The following DEAF1 variants were observed in gnomAD, a reference collection of about 807,000 sequenced individuals.
The protein encoded by DEAF1 is DEAF1 transcription factor.
A neutral mutation model predicts 58.9 loss-of-function variants in DEAF1; 53 were observed. That is an observed-to-expected ratio of 0.90 (90% CI 0.72 to 1.13). The LOEUF (loss-of-function observed/expected upper bound fraction) is 1.13. DEAF1 is among the 50% of genes most tolerant of loss of function. The probability of loss-of-function intolerance (pLI) is 0.00; values close to 1 mark genes in which losing one functional copy is unlikely to be tolerated. For synonymous variants in DEAF1, 385 were observed against 340.4 expected, an observed-to-expected ratio of 1.13 and a Z score of -1.44; for missense variants, 685 against 791.4, an observed-to-expected ratio of 0.87 and a Z score of 1.61.
intron 10 of DEAF1, among the ~76,000 whole-genome samples, chr11:673,346 G>A (rs1157079314): frequency 6.6e-6 from 1 of 151,884 alleles, no homozygotes; most frequent in Non-Finnish European, 1.5e-5. Context: ...GGGCAACATG[G>A]TAAAACCCCG....
At position 694,915 on chromosome 11, in the gene DEAF1, C is replaced by G. The variant is rs1861043590; in HGVS notation, c.133G>C (p.Asp45His). ...TCTGCGTCCTCCTCCGAGTCCTCGT[C>G]CCTGCTCAGCACCGGCTCCTCCGCC... Reference protein sequence around the residue: ...GEAEEPVLSRDEDSEEDADSE... With the variant: ...GEAEEPVLSRHEDSEEDADSE... The change falls in exon 1 of 12, where the codon GAC becomes CAC. Residue 45 changes from aspartate (D) to histidine (H), a missense_variant. Asp to His is a moderately conservative substitution (Grantham distance 81). Coordinates refer to ENST00000382409, the MANE Select transcript of DEAF1 (RefSeq NM_021008.4). 6.8e-7 allele frequency: 1 copy of G among 1,461,242 alleles called. No individual in the cohort carries two copies. The highest frequency in any genetic ancestry group is 9.0e-7 in the Non-Finnish European group (1 of 1,107,384). 90.5% of individuals were successfully genotyped at this position (1,461,242 alleles called of 1,614,324 possible).
intron 9 of DEAF1, among the ~76,000 whole-genome samples, chr11:677,277 G>A (rs1860125812): frequency 6.6e-6 from 1 of 151,848 alleles, no homozygotes; most frequent in Non-Finnish European, 1.5e-5. Flanking sequence ...AAAGCAGGCA[G>A]ATCACAAGGT....
At position 694,824 on chromosome 11, in the gene DEAF1, T is replaced by A; in HGVS notation, c.224A>T (p.His75Leu). The change falls in exon 1 of 12, where the codon CAC (histidine) becomes CTC (leucine). Residue 75 changes from histidine to leucine, a missense_variant. Coordinates refer to ENST00000382409, the MANE Select transcript of DEAF1 (RefSeq NM_021008.4). ...CAGGGCCTCGGCGCCCATGTCCATGTGCCCGGGCTCCGCCGCCATCACCGC... is the reference window on the plus strand; with the variant it reads ...CAGGGCCTCGGCGCCCATGTCCATGAGCCCGGGCTCCGCCGCCATCACCGC... ...AVAVMAAEPG[H>L]MDMGAEALPG... The A allele has an allele frequency of 6.9e-7, 1 of 1,449,398 alleles. No individual in the cohort carries two copies. Among genetic ancestry groups the A allele is most frequent in the Non-Finnish European group, 9.1e-7 (1 of 1,103,840 alleles). 89.8% of individuals were successfully genotyped at this position (1,449,398 alleles called of 1,614,324 possible). A position where few individuals can be genotyped will look rare whatever the true frequency, so the allele number is the denominator to read the frequency against.
At chr11:679,031 G>A (rs2133378234) in intron 8 of DEAF1, among the ~76,000 whole-genome samples, 1 of 152,288 alleles carries the variant, frequency 6.6e-6, no homozygotes, top group Non-Finnish European at 1.5e-5. Flanking sequence ...ATAAAAATCA[G>A]GCCGGGCGCG....
intron 5 of DEAF1, among the ~76,000 whole-genome samples, chr11:686,291 CA>C (rs780059988): frequency 3.1e-3 from 306 of 100,200 alleles, no homozygotes; most frequent in South Asian, 0.021. Flanking sequence ...GACTCTGTCT[CA>C]AAAAAAAAAA....
chr11:687,981 C>G lies in DEAF1; in HGVS notation c.594G>C (p.Val198=), dbSNP rs776237661. The G allele has an allele frequency of 1.9e-6, 3 of 1,614,010 alleles. No individual in the cohort carries two copies. Among genetic ancestry groups the G allele is most frequent in the Non-Finnish European group, 2.5e-6 (3 of 1,180,046 alleles). ...ACCGTACGGGCAGCTCACTGTCGTA[C>G]ACAGAAGGGTCCCAGTTGTATTTAG... The part of the protein sequence containing the change: ...GGTKYNWDPS[V]YDSELPVRCR... The change falls in exon 4 of 12, where the codon GTG becomes GTC. Residue 198 remains valine (V), a synonymous_variant. Coordinates refer to ENST00000382409, the MANE Select transcript of DEAF1 (RefSeq NM_021008.4).
At chr11:663,499 C>T (rs1013795524) in intron 10 of DEAF1, among the ~76,000 whole-genome samples, 2 of 152,208 alleles carry the variant, frequency 1.3e-5, no homozygotes, top group African/African-American at 2.4e-5. Context: ...GCCTTTCCTC[C>T]TCCATCTCCT....
At chr11:692,502 T>C (rs1860877821) in intron 1 of DEAF1, among the ~76,000 whole-genome samples, 2 of 152,214 alleles carry the variant, frequency 1.3e-5, no homozygotes, top group South Asian at 2.1e-4. Flanking sequence ...TAAAAGATAC[T>C]GGTTGAATGA....
chr11:656,216 C>T (rs1859049858), intron 10 of DEAF1, among the ~76,000 whole-genome samples: 1 of 150,536 alleles, frequency 6.6e-6, no homozygotes, highest in Non-Finnish European at 1.5e-5. Flanking sequence ...AGTGCAGTGG[C>T]ACGATCTCAG....
intron 5 of DEAF1, 40 bp downstream of exon 5, chr11:686,818 T>C (rs1290103485): frequency 1.2e-6 from 2 of 1,613,356 alleles, no homozygotes; most frequent in African/African-American, 1.3e-5. Context: ...GCCCCACGTC[T>C]GAACTGTGTG....
At position 688,257 on chromosome 11, in the gene DEAF1, T is replaced by A; in HGVS notation, c.517+74A>T. 1 of 1,576,032 alleles carries A rather than the reference T, an allele frequency of 6.3e-7. No homozygotes were observed. The stretch of plus-strand genomic sequence containing the variant: ...TTTACCACAAAAAGAAACAAGTAAA[T>A]AAATCCCTGAAATAAATTCTAGCTA... On this transcript the variant is annotated intron_variant, in intron 3 of 11. Transcript: ENST00000382409. The surrounding 1 kb of genome is among the most constrained non-coding windows in gnomAD (Gnocchi z 4.3).
chr11:696,834 CT>C (rs1332047494), upstream of DEAF1, among the ~76,000 whole-genome samples: 2 of 150,672 alleles, frequency 1.3e-5, no homozygotes, highest in Admixed American at 1.3e-4. Context: ...AATCCCAGCA[CT>C]TTGGGAGGCC....
Position 694,850 on chromosome 11 carries a change from C to T in DEAF1, c.198G>A (p.Val66=). 6.7e-7 allele frequency: 1 copy of T among 1,490,628 alleles called. No individual in the cohort carries two copies. The highest frequency in any genetic ancestry group is 8.9e-7 in the Non-Finnish European group (1 of 1,125,216). The allele number at this position is 1,490,628 out of a possible 1,614,324, so 92.3% of individuals were successfully genotyped here. The change falls in exon 1 of 12, where the codon GTG becomes GTA. Residue 66 remains valine, a synonymous_variant. Coordinates refer to ENST00000382409, the MANE Select transcript of DEAF1 (RefSeq NM_021008.4). ...GCCCGGGCTCCGCCGCCATCACCGCCACTGCCGTGACCCGCGGCGTCTCCC... is the reference window on the plus strand; with the variant it reads ...GCCCGGGCTCCGCCGCCATCACCGCTACTGCCGTGACCCGCGGCGTCTCCC... ...AERETPRVTA[V]AVMAAEPGHM... is the part of the protein sequence containing the mutation.
At chr11:700,075 C>A, upstream of DEAF1, 1 of 1,390,322 alleles carries the variant, frequency 7.2e-7, no homozygotes, top group Non-Finnish European at 1.0e-6. Flanking sequence ...ACCAGCCCCT[C>A]TTGTTCAGCC....
intron 7 of DEAF1, chr11:680,189 C>G (rs537133631): frequency 1.2e-5 from 4 of 323,536 alleles, no homozygotes; most frequent in South Asian, 7.9e-5. Flanking sequence ...CAGCCGTGTC[C>G]CACAGCAAGG....
At position 683,394 on chromosome 11, in the gene DEAF1, C is replaced by T. The variant is rs377422719; in HGVS notation, c.870+1504G>A. ...GTCATCCTTTGTCTCTGCTGATGAACGTCCTGTCACTCCAAGGCCATTTGC... is the reference window on the plus strand; with the variant it reads ...GTCATCCTTTGTCTCTGCTGATGAATGTCCTGTCACTCCAAGGCCATTTGC... On this transcript the variant is annotated intron_variant, in intron 6 of 11. Coordinates refer to ENST00000382409, the MANE Select transcript of DEAF1 (RefSeq NM_021008.4). 2.8e-4 allele frequency among the ~76,000 whole-genome samples: 42 copies of T among 152,272 alleles called. No individual in the cohort carries two copies. The East Asian group carries it at 4.4e-3, about 16-fold the overall frequency.
intron 11 of DEAF1, chr11:646,424 C>T (rs577679379): frequency 1.3e-5 from 2 of 152,164 alleles, no homozygotes; most frequent in African/African-American, 2.4e-5. Flanking sequence ...TGCCGAGACT[C>T]TGTGTGGGGT....
chr11:647,731 C>T (rs1288703571), intron 11 of DEAF1, among the ~76,000 whole-genome samples: 2 of 152,188 alleles, frequency 1.3e-5, no homozygotes, highest in South Asian at 2.1e-4. Context: ...CTCATGTGCA[C>T]GTCTCACATT....
chr11:650,373 C>CAAAAAAAA lies in DEAF1; in HGVS notation c.1593+3581_1593+3588dup, dbSNP rs796351710. 1.8e-4 allele frequency among the ~76,000 whole-genome samples: 4 copies of CAAAAAAAA among 22,250 alleles called. 1 individual carries two copies. Among genetic ancestry groups the CAAAAAAAA allele is most frequent in the Non-Finnish European group, 2.5e-4 (3 of 11,954 alleles). 14.6% of individuals were successfully genotyped at this position (22,250 alleles called of 152,430 possible). A position where few individuals can be genotyped will look rare whatever the true frequency, so the allele number is the denominator to read the frequency against. On this transcript the variant is annotated intron_variant, in intron 11 of 11. Coordinates refer to ENST00000382409, the MANE Select transcript of DEAF1 (RefSeq NM_021008.4). ...TGGGGGACAGAGTGACAGTCCGTCT[C>CAAAAAAAA]AAAAAAAAAAAAAAAAAAAAAAAAA...
Sources: allele counts gnomAD v4.1 joint callset (sites outside exome capture counted in the v4.1 genomes callset), GRCh38; gene constraint gnomAD v4.1.1; non-coding constraint Gnocchi (gnomAD v3.1); transcripts MANE v1.5; gene names NCBI Gene and HGNC (gene_info 2026-07-23, HGNC 2026-07-21).